The following GAN variants were observed in gnomAD, a reference collection of about 807,000 sequenced individuals.
GAN encodes gigaxonin.
A neutral mutation model predicts 71.3 loss-of-function variants in GAN; 48 were observed. The observed-to-expected ratio is 0.67, with a 90% CI of 0.53 to 0.86. The LOEUF (loss-of-function observed/expected upper bound fraction) is 0.86, where lower values mean the gene tolerates loss of function less well. GAN is among the 40% of genes least tolerant of loss of function. The probability of loss-of-function intolerance (pLI) is 0.00; values close to 1 mark genes in which losing one functional copy is unlikely to be tolerated. For missense variants in GAN, 928 were observed against 770.1 expected (o/e 1.21, Z -2.43); for synonymous variants, 386 against 276.8 (o/e 1.39, Z -3.92).
chr16:81,349,472 C>T (rs1044063590), intron 1 of GAN, among the ~76,000 whole-genome samples: 16 of 151,976 alleles, frequency 1.1e-4, no homozygotes, highest in East Asian at 3.9e-4. Context: ...GGTGAAACCC[C>T]GTCTCTACAA....
intron 1 of GAN, among the ~76,000 whole-genome samples, chr16:81,347,441 T>C (rs1315774928): frequency 6.6e-6 from 1 of 152,262 alleles, no homozygotes; most frequent in Non-Finnish European, 1.5e-5. Flanking sequence ...CCAGGATCAT[T>C]CTTCACCATT....
chr16:81,335,042 G>A (rs888242075), intron 1 of GAN, among the ~76,000 whole-genome samples: 1 of 151,666 alleles, frequency 6.6e-6, no homozygotes, highest in African/African-American at 2.4e-5. Flanking sequence ...AGGGAAGGGG[G>A]TTGGAGGCTT....
intron 1 of GAN, among the ~76,000 whole-genome samples, chr16:81,331,848 G>T (rs1457503486): frequency 3.3e-5 from 5 of 152,228 alleles, no homozygotes; most frequent in Admixed American, 3.3e-4. Flanking sequence ...CAAAGAGAAG[G>T]CTGGGACATA....
intron 1 of GAN, among the ~76,000 whole-genome samples, chr16:81,335,703 C>T (rs1302626723): frequency 1.5e-5 from 2 of 133,560 alleles, no homozygotes; most frequent in Admixed American, 8.6e-5. Flanking sequence ...GCCAAGATCA[C>T]GACACTGCGC....
At position 81,354,749 on chromosome 16, in the gene GAN, A is replaced by C. The variant is rs1910429889; in HGVS notation, c.627A>C (p.Ile209=). 6.4e-7 allele frequency: 1 copy of C among 1,559,960 alleles called. No individual in the cohort carries two copies. The highest frequency in any genetic ancestry group is 1.4e-5 in the African/African-American group (1 of 73,812). The change falls in exon 3 of 11, where the codon ATA becomes ATC. Residue 209 remains isoleucine, a synonymous_variant. Coordinates refer to ENST00000648994, the MANE Select transcript of GAN (RefSeq NM_022041.4). The part of the protein sequence containing the change: ...VIRWIAHDTE[I]RKVHMKDVMS... ...GATGGATAGCACATGATACAGAAATAAGAAAGGTACCTGTCATTTATAACA... is the reference window on the plus strand; with the variant it reads ...GATGGATAGCACATGATACAGAAATCAGAAAGGTACCTGTCATTTATAACA...
chr16:81,369,746 C>T (rs1447432250), intron 9 of GAN, among the ~76,000 whole-genome samples: 9 of 152,204 alleles, frequency 5.9e-5, no homozygotes, highest in Admixed American at 5.2e-4. Flanking sequence ...CGCCCGCCAC[C>T]GCGCCCAGCT....
Position 81,381,876 on chromosome 16 carries a change from T to G in GAN, c.*4280T>G, listed in dbSNP as rs1395092854. The G allele has an allele frequency of 1.3e-5, 2 of 152,144 alleles. No individual in the cohort carries two copies. The highest frequency in any genetic ancestry group is 2.9e-5 in the Non-Finnish European group (2 of 68,020). 9.4% of individuals were successfully genotyped at this position (152,144 alleles called of 1,614,324 possible). ...TATGGGCTGGCCTCCTATACGGAGC[T>G]GAAACTAGCATGGGCCGGCCTCCTA... On this transcript the variant is annotated 3_prime_UTR_variant, in exon 11 of 11. Coordinates refer to ENST00000648994, the MANE Select transcript of GAN (RefSeq NM_022041.4).
intron 1 of GAN, among the ~76,000 whole-genome samples, chr16:81,348,949 T>C (rs1388161094): frequency 6.6e-6 from 1 of 152,150 alleles, no homozygotes; most frequent in Non-Finnish European, 1.5e-5. Context: ...ATGTAAACAT[T>C]CTGTTAACCC....
intron 1 of GAN, among the ~76,000 whole-genome samples, chr16:81,343,736 C>G (rs763634040): frequency 1.3e-5 from 2 of 152,178 alleles, no homozygotes; most frequent in Non-Finnish European, 2.9e-5. Flanking sequence ...CTCACCATTC[C>G]TATTCAACAT....
Position 81,315,105 on chromosome 16 carries a change from G to A in GAN, c.-9G>A. ...AGCCGGACCCGTCGGCAGAGGAGCGGGCGCCGCGATGGCTGAGGGCAGTGC... is the reference window on the plus strand; with the variant it reads ...AGCCGGACCCGTCGGCAGAGGAGCGAGCGCCGCGATGGCTGAGGGCAGTGC... On this transcript the variant is annotated 5_prime_UTR_variant, in exon 1 of 11. Coordinates refer to ENST00000648994, the MANE Select transcript of GAN (RefSeq NM_022041.4). 6.7e-7 allele frequency: 1 copy of A among 1,487,374 alleles called. No homozygotes were observed. 92.1% of individuals were successfully genotyped at this position (1,487,374 alleles called of 1,614,324 possible). A position where few individuals can be genotyped will look rare whatever the true frequency, so the allele number is the denominator to read the frequency against.
In GAN at chr16:81,345,601, G is replaced by C. The variant is rs1417245694; in HGVS notation, c.168-5982G>C. 2.6e-5 allele frequency among the ~76,000 whole-genome samples: 4 copies of C among 152,166 alleles called. No individual in the cohort carries two copies. The East Asian group carries it at 5.8e-4, about 22-fold the overall frequency. ...TCGCACACTGGGGCCTGTTAGGGGT[G>C]GGGGCCTAGGGGAGGGATAACATTA... On this transcript the variant is annotated intron_variant, in intron 1 of 10. Transcript: ENST00000648994.
chr16:81,370,011 T>C (rs1910987201), intron 9 of GAN, among the ~76,000 whole-genome samples: 3 of 152,222 alleles, frequency 2.0e-5, no homozygotes, highest in Admixed American at 2.0e-4. Context: ...AACCTTAGTA[T>C]GGCAGCCGTT....
rs1446430475 is a variant in GAN at position 81,355,832 on chromosome 16, A to G, written c.634-953A>G. Among the ~76,000 whole-genome samples, 2 of 152,202 alleles carry G rather than the reference A, an allele frequency of 1.3e-5. 1 individual carries two copies. Among genetic ancestry groups the G allele is most frequent in the Non-Finnish European group, 2.9e-5 (2 of 68,030 alleles). ...ACTGTTAAATTTTGATGATTATCTT[A>G]TAATTTTTTGAATTCTGTAAGCCCA... On this transcript the variant is annotated intron_variant, in intron 3 of 10. Transcript: ENST00000648994.
intron 3 of GAN, among the ~76,000 whole-genome samples, chr16:81,355,143 G>A (rs1910444019): frequency 6.6e-6 from 1 of 152,136 alleles, no homozygotes; most frequent in African/African-American, 2.4e-5. Flanking sequence ...AGCAGGCAGG[G>A]GGGTGGCACG....
chr16:81,324,374 G>T (rs1474103184), intron 1 of GAN, among the ~76,000 whole-genome samples: 2 of 152,130 alleles, frequency 1.3e-5, no homozygotes, highest in African/African-American at 4.8e-5. Context: ...GCTGTGGCCT[G>T]GGTGACGGGA....
At chr16:81,373,721 T>A (rs968214287) in intron 9 of GAN, among the ~76,000 whole-genome samples, 2 of 152,210 alleles carry the variant, frequency 1.3e-5, no homozygotes, top group African/African-American at 4.8e-5. Flanking sequence ...TGTGTTTGCT[T>A]AGACTCCTTT....
intron 3 of GAN, 44 bp downstream of exon 3, chr16:81,354,799 T>G: frequency 9.0e-7 from 1 of 1,115,342 alleles, no homozygotes; most frequent in Non-Finnish European, 1.4e-6. Flanking sequence ...TTTTTATTTC[T>G]TTTTAATTCA....
chr16:81,364,893 T>C, intron 7 of GAN, 81 bp from the exon 8 acceptor site: 1 of 1,352,152 alleles, frequency 7.4e-7, no homozygotes, highest in South Asian at 1.2e-5. Context: ...TCTTTAAGTA[T>C]GGCCCAGACA....
Position 81,388,227 on chromosome 16 carries a change from T to C in GAN, c.*10631T>C, listed in dbSNP as rs1333042095. 6.6e-6 allele frequency: 1 copy of C among 152,318 alleles called. No homozygotes were observed. The highest frequency in any genetic ancestry group is 1.5e-5 in the Non-Finnish European group (1 of 68,096). The allele number at this position is 152,318 out of a possible 1,614,324, so 9.4% of individuals were successfully genotyped here. On this transcript the variant is annotated 3_prime_UTR_variant, in exon 11 of 11. Coordinates refer to ENST00000648994, the MANE Select transcript of GAN (RefSeq NM_022041.4). ...CAACCCTCTTCCAGCCTGGTTTTTT[T>C]ACTGCTTGAATTATGTATCCAAAAT...
Sources: gnomAD v4.1 joint callset for allele counts (sites outside exome capture counted in the v4.1 genomes callset) on GRCh38, gnomAD v4.1.1 for gene constraint, MANE v1.5 for transcripts, NCBI Gene and HGNC (gene_info 2026-07-23, HGNC 2026-07-21) for gene names.